The following GRM1 variants were observed in gnomAD, a reference collection of about 807,000 sequenced individuals.
The protein encoded by GRM1 is glutamate metabotropic receptor 1.
A neutral mutation model predicts 90.9 loss-of-function variants in GRM1; 33 were observed. That is an observed-to-expected ratio of 0.36 (90% CI 0.28 to 0.49). The LOEUF (loss-of-function observed/expected upper bound fraction) is 0.49. Ranked by LOEUF, GRM1 falls within the 20% of genes least tolerant of loss-of-function variation. GRM1 has a pLI of 0.99. For synonymous variants in GRM1, 700 were observed against 613.2 expected (o/e 1.14, Z -2.09); for missense variants, 1,190 against 1,534.3 (o/e 0.78, Z 3.75).
At chr6:146,268,917 A>G (rs1341948477) in intron 2 of GRM1, among the ~76,000 whole-genome samples, 1 of 152,236 alleles carries the variant, frequency 6.6e-6, no homozygotes, top group Non-Finnish European at 1.5e-5. Context: ...GACCAATGGA[A>G]CACAAGACAG....
At chr6:146,118,694 T>C (rs763291103) in intron 1 of GRM1, among the ~76,000 whole-genome samples, 10 of 152,174 alleles carry the variant, frequency 6.6e-5, no homozygotes, top group Middle Eastern at 3.2e-3. Context: ...ATGCGGTGCA[T>C]GGTTTTTGTC....
At position 146,287,886 on chromosome 6, in the gene GRM1, C is replaced by G. The variant is rs139088226; in HGVS notation, c.951-16725C>G. ...GAAGACAGTCTGTTGATATCTTTGT[C>G]TCAACCCAGTGAAATGCATTTTGGA... On this transcript the variant is annotated intron_variant, in intron 2 of 7. Transcript: ENST00000282753. 1.2e-3 allele frequency among the ~76,000 whole-genome samples: 189 copies of G among 152,292 alleles called. 1 individual carries two copies. The highest frequency in any genetic ancestry group is 4.4e-3 in the African/African-American group (181 of 41,564).
At chr6:146,328,333 A>G (rs1192328818) in intron 3 of GRM1, among the ~76,000 whole-genome samples, 1 of 152,128 alleles carries the variant, frequency 6.6e-6, no homozygotes, top group Non-Finnish European at 1.5e-5. Context: ...AGACATACAC[A>G]TAAAGACACA....
At chr6:146,280,480 C>A (rs1430548687) in intron 2 of GRM1, among the ~76,000 whole-genome samples, 1 of 152,152 alleles carries the variant, frequency 6.6e-6, no homozygotes, top group Non-Finnish European at 1.5e-5. Flanking sequence ...AGGGGCACAA[C>A]TGGATTAATA....
intron 1 of GRM1, among the ~76,000 whole-genome samples, chr6:146,111,968 A>G (rs1301599159): frequency 6.6e-6 from 1 of 152,232 alleles, no homozygotes; most frequent in Non-Finnish European, 1.5e-5. Context: ...CAGGGCCTAT[A>G]TATCATGCTA....
chr6:146,124,586 GT>G (rs1481582329), intron 1 of GRM1, among the ~76,000 whole-genome samples: 1 of 151,898 alleles, frequency 6.6e-6, no homozygotes, highest in Non-Finnish European at 1.5e-5. Context: ...CATGATCTTA[GT>G]ATCAACTATA....
intron 1 of GRM1, among the ~76,000 whole-genome samples, chr6:146,122,841 T>C (rs78988339): frequency 7.2e-5 from 3 of 41,522 alleles, no homozygotes; most frequent in African/African-American, 1.2e-4. Context: ...TTTTCTTTCT[T>C]TTTTTTTTTT....
chr6:146,045,285 A>G (rs1279272923), intron 1 of GRM1, among the ~76,000 whole-genome samples: 1 of 152,020 alleles, frequency 6.6e-6, no homozygotes. Flanking sequence ...GCTAACCTGA[A>G]TAATTACTGA....
intron 2 of GRM1, among the ~76,000 whole-genome samples, chr6:146,245,015 A>T (rs1781006313): frequency 6.6e-6 from 1 of 152,164 alleles, no homozygotes; most frequent in Non-Finnish European, 1.5e-5. Flanking sequence ...TTTATTATGA[A>T]TTATTAACAA....
intron 1 of GRM1, among the ~76,000 whole-genome samples, chr6:146,043,895 T>C (rs1359499052): frequency 1.3e-5 from 2 of 149,568 alleles, no homozygotes; most frequent in Non-Finnish European, 3.0e-5. Flanking sequence ...AGGTGGAAAG[T>C]TTTTTTTTAA....
chr6:146,116,935 C>G (rs1264768092), intron 1 of GRM1, among the ~76,000 whole-genome samples: 1 of 151,830 alleles, frequency 6.6e-6, no homozygotes, highest in Non-Finnish European at 1.5e-5. Flanking sequence ...TCTCACCACC[C>G]CCACTCCCAT....
chr6:146,371,611 A>G (rs1775904290), intron 5 of GRM1, among the ~76,000 whole-genome samples: 2 of 152,008 alleles, frequency 1.3e-5, no homozygotes, highest in African/African-American at 2.4e-5. Context: ...TCTCCTCCCC[A>G]TGCCCCAACT....
In GRM1 at chr6:146,086,201, C is replaced by T. The variant is rs78462275; in HGVS notation, c.700+55984C>T. Among the ~76,000 whole-genome samples the T allele has an allele frequency of 3.2e-4, 49 of 152,168 alleles. No individual in the cohort carries two copies. In the East Asian group the frequency reaches 5.2e-3, roughly 16 times the overall value. On this transcript the variant is annotated intron_variant, in intron 1 of 7. Coordinates refer to ENST00000282753, the MANE Select transcript of GRM1 (RefSeq NM_001278064.2). Reference sequence around the variant, plus strand: ...GAGCCAGTAATTAAAGTATCATTTTCGTAAAGGCTAAATTAGTTATTTGAC... The same window carrying T: ...GAGCCAGTAATTAAAGTATCATTTTTGTAAAGGCTAAATTAGTTATTTGAC...
chr6:146,249,332 G>T (rs1401188762), intron 2 of GRM1, among the ~76,000 whole-genome samples: 1 of 152,134 alleles, frequency 6.6e-6, no homozygotes, highest in Non-Finnish European at 1.5e-5. Flanking sequence ...AGGTCTAGGA[G>T]GGAAAAATGG....
At chr6:146,130,551 A>C (rs1776364262) in intron 1 of GRM1, among the ~76,000 whole-genome samples, 1 of 152,132 alleles carries the variant, frequency 6.6e-6, no homozygotes, top group African/African-American at 2.4e-5. Flanking sequence ...AGAAAACTTT[A>C]TGATATGCTT....
chr6:146,434,422 C>T lies in GRM1; in HGVS notation c.3211C>T (p.Pro1071Ser), dbSNP rs760705077. The stretch of plus-strand genomic sequence containing the variant: ...GCGGTCCCTGTACCCGCCCCCGCCA[C>T]CTCCGCAGCACCTGCAGATGCTGCC... ...GLRSLYPPPPPPQHLQMLPLQ... is the reference protein window; with the variant it reads ...GLRSLYPPPPSPQHLQMLPLQ... Residue 1071 changes from proline to serine, a missense_variant, in exon 8 of 8, where the codon CCT becomes TCT. Pro to Ser is a moderately conservative substitution (Grantham distance 74). Coordinates refer to ENST00000282753, the MANE Select transcript of GRM1 (RefSeq NM_001278064.2). The T allele has an allele frequency of 4.3e-6, 7 of 1,613,534 alleles. No homozygotes were observed. The highest frequency in any genetic ancestry group is 2.2e-5 in the East Asian group (1 of 44,870).
At chr6:146,423,870 A>C (rs1293509590) in intron 7 of GRM1, among the ~76,000 whole-genome samples, 1 of 152,220 alleles carries the variant, frequency 6.6e-6, no homozygotes, top group Non-Finnish European at 1.5e-5. Flanking sequence ...GCAGAGGTAA[A>C]GTGTTAAAGG....
intron 1 of GRM1, among the ~76,000 whole-genome samples, chr6:146,100,567 G>A (rs1241120345): frequency 6.6e-6 from 1 of 152,102 alleles, no homozygotes; most frequent in Non-Finnish European, 1.5e-5. Context: ...TGTGTGTGAA[G>A]TTGTTTCTGA....
At chr6:146,360,429 G>A (rs1775424245) in intron 5 of GRM1, among the ~76,000 whole-genome samples, 2 of 151,886 alleles carry the variant, frequency 1.3e-5, no homozygotes, top group Non-Finnish European at 2.9e-5. Flanking sequence ...GTAACCTTAG[G>A]GTCCACTCAG....
Sources: gnomAD v4.1 joint callset for allele counts (sites outside exome capture counted in the v4.1 genomes callset) on GRCh38, gnomAD v4.1.1 for gene constraint, MANE v1.5 for transcripts, NCBI Gene and HGNC (gene_info 2026-07-23, HGNC 2026-07-21) for gene names.